The following FRMPD4 variants were observed in gnomAD, a reference collection of about 807,000 sequenced individuals.
FRMPD4 encodes the protein FERM and PDZ domain-containing protein 4.
In FRMPD4, 22 loss-of-function variants were observed where a neutral mutation model predicts 94.1. The observed-to-expected ratio is 0.23, with a 90% CI of 0.17 to 0.33. The LOEUF (loss-of-function observed/expected upper bound fraction) is 0.33, where lower values mean the gene tolerates loss of function less well. Among genes scored for constraint, FRMPD4 ranks in the 10% least tolerant of loss-of-function variants. The pLI, the probability that FRMPD4 is intolerant of heterozygous loss-of-function variation, is 1.00. For synonymous variants in FRMPD4, 631 were observed against 548.6 expected (o/e 1.15, Z -2.10); for missense variants, 1,111 against 1,339.9 (o/e 0.83, Z 2.67).
intron 2 of FRMPD4, 120 bp from the exon 3 acceptor site, chrX:12,609,601 C>T: frequency 1.6e-6 from 1 of 609,668 alleles, no homozygotes; most frequent in Admixed American, 3.0e-5. Flanking sequence ...TGGGTCTCCC[C>T]AGATCTTTCT....
chrX:12,098,196 A>AGGT (rs1459049321), intron 3 of FRMPD4, among the ~76,000 whole-genome samples: 1 of 111,381 alleles, frequency 9.0e-6, no homozygotes, highest in Non-Finnish European at 1.9e-5. Context: ...GGAAGCCAAA[A>AGGT]GGTGATATAA....
chrX:11,889,475 T>C (rs1318424608), intron 3 of FRMPD4, among the ~76,000 whole-genome samples: 1 of 112,217 alleles, frequency 8.9e-6, no homozygotes, highest in Non-Finnish European at 1.9e-5. Flanking sequence ...AAAAGTCACT[T>C]CTCAGCATAT....
chrX:12,679,058 C>A, intron 5 of FRMPD4, among the ~76,000 whole-genome samples: 2 of 112,209 alleles, frequency 1.8e-5, no homozygotes, highest in Middle Eastern at 4.6e-3. Context: ...TCATGGAAAC[C>A]CCAGTGTAGC....
At chrX:12,450,863 CAAAA>C (rs5901475) in intron 1 of FRMPD4, among the ~76,000 whole-genome samples, 9 of 49,540 alleles carry the variant, frequency 1.8e-4, no homozygotes, top group South Asian at 4.9e-3. Context: ...TCTATTTATC[CAAAA>C]AAAAAAAAAA....
At chrX:12,358,951 A>G (rs1376146054) in intron 1 of FRMPD4, among the ~76,000 whole-genome samples, 1 of 112,194 alleles carries the variant, frequency 8.9e-6, no homozygotes, top group Non-Finnish European at 1.9e-5. Context: ...AACCGCAACA[A>G]CAGTGTAAAA....
intron 1 of FRMPD4, among the ~76,000 whole-genome samples, chrX:12,231,560 G>T (rs749412943): frequency 9.0e-6 from 1 of 111,133 alleles, no homozygotes; most frequent in Non-Finnish European, 1.9e-5. Flanking sequence ...TAAATGATTA[G>T]TAGTTGCCAG....
At chrX:11,910,578 G>A (rs185449048) in intron 3 of FRMPD4, among the ~76,000 whole-genome samples, 61 of 111,081 alleles carry the variant, frequency 5.5e-4, no homozygotes, top group African/African-American at 1.9e-3. Flanking sequence ...CACACCCAAC[G>A]AATTTTTTTG....
At chrX:12,641,247 A>G (rs1602249343) in intron 4 of FRMPD4, among the ~76,000 whole-genome samples, 1 of 110,792 alleles carries the variant, frequency 9.0e-6, no homozygotes, top group African/African-American at 3.3e-5. Flanking sequence ...GTATCAGGCA[A>G]AGCCCCAGGA....
At chrX:12,669,757 G>A (rs1425632819) in intron 4 of FRMPD4, among the ~76,000 whole-genome samples, 2 of 111,901 alleles carry the variant, frequency 1.8e-5, no homozygotes, top group Non-Finnish European at 3.8e-5. Context: ...TTTTGAAGAT[G>A]AAGGAAGGGA....
At chrX:12,157,706 A>G (rs1266550470) in intron 1 of FRMPD4, among the ~76,000 whole-genome samples, 1 of 111,670 alleles carries the variant, frequency 9.0e-6, no homozygotes, top group African/African-American at 3.3e-5. Context: ...ATTTTTTCTT[A>G]ATTTATTCCA....
intron 2 of FRMPD4, among the ~76,000 whole-genome samples, chrX:12,543,800 C>T (rs1159566467): frequency 1.2e-4 from 13 of 108,613 alleles, no homozygotes; most frequent in Admixed American, 2.0e-4. Context: ...ATGTTTATTG[C>T]GGCACTCTTC....
intron 1 of FRMPD4, among the ~76,000 whole-genome samples, chrX:12,316,694 T>C (rs1319117567): frequency 9.0e-6 from 1 of 111,202 alleles, no homozygotes; most frequent in East Asian, 2.8e-4. Flanking sequence ...GTAAATCCAC[T>C]ACTAGGTGTG....
intron 1 of FRMPD4, among the ~76,000 whole-genome samples, chrX:11,835,101 C>T (rs1401590657): frequency 9.0e-6 from 1 of 111,589 alleles, no homozygotes; most frequent in Non-Finnish European, 1.9e-5. Context: ...CACCTATCAG[C>T]TTTTTAAAAA....
intron 2 of FRMPD4, among the ~76,000 whole-genome samples, chrX:12,506,375 G>C (rs2057985540): frequency 9.0e-6 from 1 of 110,956 alleles, no homozygotes; most frequent in Admixed American, 9.5e-5. Context: ...TGCAACCTCC[G>C]CGTCCTGGGT....
intron 3 of FRMPD4, among the ~76,000 whole-genome samples, chrX:12,083,938 A>G (rs2055082848): frequency 8.9e-6 from 1 of 111,756 alleles, no homozygotes; most frequent in Non-Finnish European, 1.9e-5. Context: ...TTACAGGCTC[A>G]TAGGTGGAAG....
chrX:12,113,434 C>A (rs1483301489), intron 3 of FRMPD4, among the ~76,000 whole-genome samples: 2 of 111,498 alleles, frequency 1.8e-5, no homozygotes, highest in African/African-American at 6.5e-5. Context: ...CAGGAAGGTC[C>A]ATTTACTTGC....
At chrX:12,402,510 C>T (rs758988515) in intron 1 of FRMPD4, among the ~76,000 whole-genome samples, 1 of 111,947 alleles carries the variant, frequency 8.9e-6, no homozygotes, top group Non-Finnish European at 1.9e-5. Context: ...TCCTTTCTCT[C>T]CCTCATCACT....
intron 1 of FRMPD4, among the ~76,000 whole-genome samples, chrX:12,163,436 A>AT (rs1186953008): frequency 4.0e-5 from 3 of 75,130 alleles, no homozygotes; most frequent in African/African-American, 1.0e-4. Context: ...TTCCTGACTG[A>AT]TTTTTTTTAT....
chrX:12,636,011 T>C (rs1333152560), intron 4 of FRMPD4, among the ~76,000 whole-genome samples: 1 of 111,762 alleles, frequency 8.9e-6, no homozygotes, highest in Non-Finnish European at 1.9e-5. Flanking sequence ...TAGTTCAGTA[T>C]GTGTCTCTAA....
Sources: gnomAD v4.1 joint callset for allele counts (sites outside exome capture counted in the v4.1 genomes callset) on GRCh38, gnomAD v4.1.1 for gene constraint, MANE v1.5 for transcripts, NCBI Gene and HGNC (gene_info 2026-07-23, HGNC 2026-07-21) for gene names.